The following MEI4 variants were observed in gnomAD, a reference collection of about 807,000 sequenced individuals.
MEI4 encodes meiosis-specific protein MEI4.
Under a neutral mutation model 31.4 loss-of-function variants are expected in MEI4, and 27 were observed. The ratio of observed to expected loss-of-function variants is 0.86; its 90% CI spans 0.63 to 1.19. The LOEUF (loss-of-function observed/expected upper bound fraction) is 1.19. Among genes scored for constraint, MEI4 ranks in the 50% most tolerant of loss-of-function variants. The pLI is 0.00. For synonymous variants in MEI4, 122 were observed against 145.4 expected, an observed-to-expected ratio of 0.84 and a Z score of 1.16; for missense variants, 329 against 398.9, an observed-to-expected ratio of 0.82 and a Z score of 1.49.
At chr6:77,691,343 G>T (rs998918262) in intron 2 of MEI4, among the ~76,000 whole-genome samples, 2 of 152,080 alleles carry the variant, frequency 1.3e-5, no homozygotes, top group Admixed American at 6.6e-5. Context: ...GAGAAAACAG[G>T]TGTATAAATA....
At chr6:77,793,577 G>C (rs1356881801) in intron 3 of MEI4, among the ~76,000 whole-genome samples, 1 of 152,156 alleles carries the variant, frequency 6.6e-6, no homozygotes, top group Non-Finnish European at 1.5e-5. Context: ...TATAATTATA[G>C]CTGTAATTTG....
At chr6:77,825,420 A>T (rs749890361) in intron 3 of MEI4, among the ~76,000 whole-genome samples, 2 of 152,180 alleles carry the variant, frequency 1.3e-5, no homozygotes, top group Non-Finnish European at 2.9e-5. Flanking sequence ...CCAGATTCTC[A>T]AAAGAATCAC....
At chr6:77,802,331 T>C (rs953647509) in intron 3 of MEI4, among the ~76,000 whole-genome samples, 9 of 152,314 alleles carry the variant, frequency 5.9e-5, no homozygotes, top group Middle Eastern at 3.4e-3. Flanking sequence ...TGGTAGATCT[T>C]CCTCCATCCC....
intron 1 of MEI4, among the ~76,000 whole-genome samples, chr6:77,676,593 C>T (rs546094551): frequency 3.9e-5 from 6 of 152,112 alleles, no homozygotes; most frequent in Admixed American, 2.6e-4. Flanking sequence ...GTGGTATTTG[C>T]GTGCTTTGTA....
intron 2 of MEI4, among the ~76,000 whole-genome samples, chr6:77,759,625 T>A (rs1231352512): frequency 6.6e-6 from 1 of 152,198 alleles, no homozygotes; most frequent in African/African-American, 2.4e-5. Context: ...GTATTCATAC[T>A]TTCACTTCAT....
intron 2 of MEI4, among the ~76,000 whole-genome samples, chr6:77,693,123 T>C (rs183929670): frequency 6.6e-6 from 1 of 152,166 alleles, no homozygotes; most frequent in East Asian, 1.9e-4. Flanking sequence ...ACCCAGTAAC[T>C]TAATAGATGT....
At chr6:77,899,879 G>A (rs922439463) in intron 4 of MEI4, among the ~76,000 whole-genome samples, 1 of 151,878 alleles carries the variant, frequency 6.6e-6, no homozygotes, top group African/African-American at 2.4e-5. Context: ...AAACATGGGT[G>A]TGTAGATGTC....
intron 4 of MEI4, among the ~76,000 whole-genome samples, chr6:77,896,807 A>C (rs1278792709): frequency 6.6e-6 from 1 of 152,044 alleles, no homozygotes; most frequent in African/African-American, 2.4e-5. Context: ...TCTCTAGATG[A>C]GCAATTCACA....
intron 4 of MEI4, among the ~76,000 whole-genome samples, chr6:77,840,899 C>T (rs574062537): frequency 6.6e-6 from 1 of 152,252 alleles, no homozygotes; most frequent in South Asian, 2.1e-4. Flanking sequence ...AACTGTCAAC[C>T]TAGAATTCTA....
At chr6:77,803,048 A>G (rs1235215175) in intron 3 of MEI4, among the ~76,000 whole-genome samples, 1 of 152,138 alleles carries the variant, frequency 6.6e-6, no homozygotes, top group Non-Finnish European at 1.5e-5. Flanking sequence ...GTTCTCCTGG[A>G]TAATATCCTG....
At chr6:77,686,286 A>G (rs969286740) in intron 1 of MEI4, among the ~76,000 whole-genome samples, 1 of 152,178 alleles carries the variant, frequency 6.6e-6, no homozygotes, top group Admixed American at 6.5e-5. Context: ...GAAAAGTATA[A>G]GTAAGAAAAT....
chr6:77,658,600 G>A (rs1212335177), intron 1 of MEI4, among the ~76,000 whole-genome samples: 1 of 152,080 alleles, frequency 6.6e-6, no homozygotes, highest in Non-Finnish European at 1.5e-5. Flanking sequence ...GGGCGGCGTG[G>A]GAACCTAGAG....
chr6:77,818,066 G>T (rs6901578), intron 3 of MEI4, among the ~76,000 whole-genome samples: 8,633 of 152,110 alleles, frequency 0.057, 678 homozygotes, highest in African/African-American at 0.17. Context: ...TTTCAATGTG[G>T]CATTAAATTA....
chr6:77,859,856 TAG>T (rs1321529314), intron 4 of MEI4, among the ~76,000 whole-genome samples: 1 of 152,196 alleles, frequency 6.6e-6, no homozygotes, highest in Non-Finnish European at 1.5e-5. Context: ...TGGGCACCAG[TAG>T]CAGAGTACTT....
intron 3 of MEI4, among the ~76,000 whole-genome samples, chr6:77,769,054 A>G (rs538195935): frequency 6.6e-5 from 10 of 152,324 alleles, no homozygotes; most frequent in Admixed American, 6.5e-5. Context: ...CAGGTGAGCT[A>G]TAATAGTACC....
chr6:77,701,654 T>G (rs1400226853), intron 2 of MEI4, among the ~76,000 whole-genome samples: 1 of 151,914 alleles, frequency 6.6e-6, no homozygotes. Context: ...ATGAATATAT[T>G]CATAAATCAT....
intron 4 of MEI4, among the ~76,000 whole-genome samples, chr6:77,902,967 T>G (rs906740164): frequency 6.6e-6 from 1 of 152,080 alleles, no homozygotes; most frequent in Non-Finnish European, 1.5e-5. Flanking sequence ...CAAATAAACT[T>G]TCTAAATTAA....
chr6:77,788,154 C>T (rs533955999), intron 3 of MEI4, among the ~76,000 whole-genome samples: 2 of 152,154 alleles, frequency 1.3e-5, no homozygotes, highest in Non-Finnish European at 2.9e-5. Flanking sequence ...ACAAAAACCA[C>T]ATGATTATCT....
At chr6:77,901,720 T>C (rs1313664791) in intron 4 of MEI4, among the ~76,000 whole-genome samples, 3 of 152,150 alleles carry the variant, frequency 2.0e-5, no homozygotes, top group Non-Finnish European at 4.4e-5. Context: ...TAGCTTAGTA[T>C]AATTCCATTT....
Sources: allele counts gnomAD v4.1 joint callset (sites outside exome capture counted in the v4.1 genomes callset), GRCh38; gene constraint gnomAD v4.1.1; transcripts MANE v1.5; gene names NCBI Gene and HGNC (gene_info 2026-07-23, HGNC 2026-07-21).